The following MEGF8 variants were observed in gnomAD, a reference collection of about 807,000 sequenced individuals.
The protein encoded by MEGF8 is multiple EGF like domains 8.
In MEGF8, 156 loss-of-function variants were observed where a neutral mutation model predicts 302.9. The ratio of observed to expected loss-of-function variants is 0.52; its 90% CI spans 0.45 to 0.59. The LOEUF (loss-of-function observed/expected upper bound fraction) is 0.59. Ranked by LOEUF, MEGF8 falls within the 20% of genes least tolerant of loss-of-function variation. MEGF8 has a pLI of 0.00. For synonymous variants in MEGF8, 1,621 were observed against 1,660.5 expected (o/e 0.98, Z 0.58); for missense variants, 3,345 against 3,964.5 (o/e 0.84, Z 4.20).
chr19:42,350,516 G>A, intron 15 of MEGF8, 132 bp downstream of exon 15: 1 of 784,424 alleles, frequency 1.3e-6, no homozygotes, highest in Non-Finnish European at 2.0e-6. Flanking sequence ...GCAGAGCCTG[G>A]TGGGGAGGGT....
In MEGF8 at chr19:42,351,324, C is replaced by A; in HGVS notation, c.2845C>A (p.Leu949Ile). ...ALKSPEECPP[L>I]CSQRLTCEDC... is the part of the protein sequence containing the mutation. ...GAAGAGTCCAGAGGAGTGTCCCCCG[C>A]TCTGCAGCCAGTGAGTCAGGCTGGG... Residue 949 changes from leucine (L) to isoleucine (I), a missense_variant, in exon 16 of 42, where the codon CTC becomes ATC. Leu to Ile is a conservative substitution (Grantham distance 5, BLOSUM62 2). Transcript: ENST00000251268. The surrounding 1 kb of genome is among the most constrained non-coding windows in gnomAD (Gnocchi z 5.6). 1 of 1,568,138 alleles carries A rather than the reference C, an allele frequency of 6.4e-7. No homozygotes were observed. The highest frequency in any genetic ancestry group is 2.4e-5 in the East Asian group (1 of 42,530).
intron 1 of MEGF8, among the ~76,000 whole-genome samples, chr19:42,328,502 A>T (rs972828785): frequency 3.3e-5 from 5 of 151,662 alleles, no homozygotes; most frequent in African/African-American, 1.2e-4. Flanking sequence ...CAGTGATAGC[A>T]TGTCTACCTG....
rs746125032 is a variant in MEGF8 at position 42,336,334 on chromosome 19, C to T, written c.1232C>T (p.Pro411Leu). 6.3e-7 allele frequency: 1 copy of T among 1,596,304 alleles called. No individual in the cohort carries two copies. The highest frequency in any genetic ancestry group is 1.7e-5 in the Admixed American group (1 of 59,550). ...CTGCTGGTCCATGGTGGACACCGGC[C>T]CTCCACTGCCCGGTAAGTGACCTGT... ...RALLVHGGHR[P>L]STARFSVRVN... is the part of the protein sequence containing the mutation. The change falls in exon 6 of 42, where the codon CCC becomes CTC. Residue 411 changes from proline (P) to leucine (L), a missense_variant. Transcript: ENST00000251268. The surrounding 1 kb of genome is among the most constrained non-coding windows in gnomAD (Gnocchi z 4.8).
Position 42,355,947 on chromosome 19 carries a change from G to T in MEGF8, c.4334G>T (p.Arg1445Leu), listed in dbSNP as rs138904325. The change falls in exon 24 of 42, where the codon CGC becomes CTC. Residue 1445 changes from arginine to leucine, a missense_variant. Transcript: ENST00000251268. ...CAGGGCTGGGCTGGCCCACACTGCC[G>T]CATGGCTCTGTGTCCTGAGAACTGC... is the stretch of plus-strand genomic sequence containing the variant. ...CPQGWAGPHC[R>L]MALCPENCNA... 1.2e-6 allele frequency: 2 copies of T among 1,610,418 alleles called. No individual in the cohort carries two copies. Among genetic ancestry groups the T allele is most frequent in the African/African-American group, 1.3e-5 (1 of 74,892 alleles).
intron 12 of MEGF8, among the ~76,000 whole-genome samples, chr19:42,346,316 C>T (rs1009766555): frequency 3.3e-5 from 5 of 149,352 alleles, no homozygotes; most frequent in Admixed American, 6.6e-5. Flanking sequence ...CCGAGGTGGG[C>T]GGATCTCTTG....
chr19:42,353,935 G>A lies in MEGF8; in HGVS notation c.3922G>A (p.Ala1308Thr), dbSNP rs776085762. 2 of 1,587,052 alleles carry A rather than the reference G, an allele frequency of 1.3e-6. No individual in the cohort carries two copies. The highest frequency in any genetic ancestry group is 1.1e-5 in the South Asian group (1 of 87,276). Residue 1308 changes from alanine (A) to threonine (T), a missense_variant, in exon 22 of 42, where the codon GCC (alanine) becomes ACC (threonine). By Grantham distance (58) the Ala-to-Thr change is moderately conservative. Coordinates refer to ENST00000251268, the MANE Select transcript of MEGF8 (RefSeq NM_001271938.2). This position sits in a 1 kb window ranked among gnomAD's most constrained non-coding sequence, Gnocchi z 6.1. Reference sequence around the variant, plus strand: ...GTCCTACTGTGTGTGGGTTGTCTCGGCCACTGAGGAGCTACAGCCCTGTGC... The same window carrying A: ...GTCCTACTGTGTGTGGGTTGTCTCGACCACTGAGGAGCTACAGCCCTGTGC... ...GLSYCVWVVS[A>T]TEELQPCAPG...
chr19:42,375,937 G>A lies in MEGF8; in HGVS notation c.7700G>A (p.Arg2567Gln), dbSNP rs565653220. Reference sequence around the variant, plus strand: ...GGCGCCCCAGCAGAGCCACGGGTACGGGAGGTATGGCCGCGGGGCCTGATT... The same window carrying A: ...GGCGCCCCAGCAGAGCCACGGGTACAGGAGGTATGGCCGCGGGGCCTGATT... ...GPGAPAEPRV[R>Q]EVWPRGLITY... is the part of the protein sequence containing the mutation. The change falls in exon 42 of 42, where the codon CGG (arginine) becomes CAG (glutamine). Residue 2567 changes from arginine (R) to glutamine (Q), a missense_variant. Transcript: ENST00000251268. The surrounding 1 kb of genome is among the most constrained non-coding windows in gnomAD (Gnocchi z 7.1). 80 of 1,604,082 alleles carry A rather than the reference G, an allele frequency of 5.0e-5. No individual in the cohort carries two copies. The South Asian group carries it at 5.0e-4, about 10-fold the overall frequency.
At position 42,352,373 on chromosome 19, in the gene MEGF8, G is replaced by A. The variant is rs770856754; in HGVS notation, c.3267G>A (p.Ala1089=). ...GCCTGGCCCGGTGCCACCCGCGGGC[G>A]ACCTGCCTGAACACGCCCCTCAGCT... ...RLGLARCHPR[A]TCLNTPLSYE... The change falls in exon 19 of 42, where the codon GCG becomes GCA. Residue 1089 remains alanine, a synonymous_variant. Transcript: ENST00000251268. This position sits in a 1 kb window ranked among gnomAD's most constrained non-coding sequence, Gnocchi z 4.4. 22 of 1,589,604 alleles carry A rather than the reference G, an allele frequency of 1.4e-5. No individual in the cohort carries two copies. Among genetic ancestry groups the A allele is most frequent in the South Asian group, 2.3e-5 (2 of 87,458 alleles).
chr19:42,334,458 C>T (rs1007308065), intron 3 of MEGF8, among the ~76,000 whole-genome samples: 1 of 152,092 alleles, frequency 6.6e-6, no homozygotes, highest in Non-Finnish European at 1.5e-5. Flanking sequence ...ACCCCACTCT[C>T]ATCTGTGAAC....
At position 42,337,163 on chromosome 19, in the gene MEGF8, A is replaced by G. The variant is rs757273121; in HGVS notation, c.1470A>G (p.Gln490=). 10 of 1,613,968 alleles carry G rather than the reference A, an allele frequency of 6.2e-6. No individual in the cohort carries two copies. The highest frequency in any genetic ancestry group is 1.7e-5 in the Admixed American group (1 of 60,018). Reference sequence around the variant, plus strand: ...TCTTCTACCACCTTGGCTGCCATCAATGGGTGTCAGGAGCTGAGCTTGCCC... The same window carrying G: ...TCTTCTACCACCTTGGCTGCCATCAGTGGGTGTCAGGAGCTGAGCTTGCCC... ...GIFFYHLGCH[Q]WVSGAELAPP... is the part of the protein sequence containing the mutation. Residue 490 remains glutamine, a synonymous_variant, in exon 8 of 42, where the codon CAA becomes CAG. Coordinates refer to ENST00000251268, the MANE Select transcript of MEGF8 (RefSeq NM_001271938.2).
chr19:42,344,437 G>T lies in MEGF8; in HGVS notation c.1789-4G>T, dbSNP rs1246470840. On this transcript the variant is annotated splice_region_variant and splice_polypyrimidine_tract_variant and intron_variant, in intron 10 of 41. Coordinates refer to ENST00000251268, the MANE Select transcript of MEGF8 (RefSeq NM_001271938.2). This position sits in a 1 kb window ranked among gnomAD's most constrained non-coding sequence, Gnocchi z 4.5. Reference sequence around the variant, plus strand: ...GTGAGCCCTTTCCCCTCTCCTCCTCGCAGTGTCCAGCCGCCAGCTGCCTGG... The same window carrying T: ...GTGAGCCCTTTCCCCTCTCCTCCTCTCAGTGTCCAGCCGCCAGCTGCCTGG... 1.3e-6 allele frequency: 2 copies of T among 1,582,366 alleles called. No homozygotes were observed. Among genetic ancestry groups the T allele is most frequent in the Non-Finnish European group, 1.7e-6 (2 of 1,171,132 alleles).
chr19:42,367,452 CTAATTTTTTCTATTTTTA>C (rs1419782843), intron 35 of MEGF8, among the ~76,000 whole-genome samples: 1 of 152,136 alleles, frequency 6.6e-6, no homozygotes, highest in African/African-American at 2.4e-5. Flanking sequence ...CCACGCCTGG[CTAATTTTTTCTATTTTTA>C]GTAGAGACAG....
chr19:42,359,265 A>T lies in MEGF8; in HGVS notation c.5488+23A>T, dbSNP rs1600061259. 2.6e-6 allele frequency: 4 copies of T among 1,527,026 alleles called. No individual in the cohort carries two copies. In the Admixed American group the frequency reaches 8.3e-5, roughly 32 times the overall value. The allele number at this position is 1,527,026 out of a possible 1,614,324, so 94.6% of individuals were successfully genotyped here. Reference sequence around the variant, plus strand: ...CCCGTAAGTCCCCATTGTGGCTCCCAGGAGGCTGAGGGACATCCAGGAGGA... The same window carrying T: ...CCCGTAAGTCCCCATTGTGGCTCCCTGGAGGCTGAGGGACATCCAGGAGGA... On this transcript the variant is annotated intron_variant, in intron 31 of 41. Coordinates refer to ENST00000251268, the MANE Select transcript of MEGF8 (RefSeq NM_001271938.2).
rs1244636363 is a variant in MEGF8, at chr19:42,356,112, C to T, written c.4422C>T (p.Gly1474=). 1.3e-6 allele frequency: 2 copies of T among 1,586,508 alleles called. No homozygotes were observed. The highest frequency in any genetic ancestry group is 1.7e-6 in the Non-Finnish European group (2 of 1,164,772). The change falls in exon 25 of 42, where the codon GGC becomes GGT. Residue 1474 remains glycine, a synonymous_variant. Transcript: ENST00000251268. This position sits in a 1 kb window ranked among gnomAD's most constrained non-coding sequence, Gnocchi z 5.2. ...TGGGTGTGTGCATCTGTGCCGAGGGCTTCGGGGGCCCCGACTGCGCCACCA... is the reference window on the plus strand; with the variant it reads ...TGGGTGTGTGCATCTGTGCCGAGGGTTTCGGGGGCCCCGACTGCGCCACCA... ...QSLGVCICAE[G]FGGPDCATKL... is the part of the protein sequence containing the mutation.
chr19:42,352,374 A>G lies in MEGF8; in HGVS notation c.3268A>G (p.Thr1090Ala). The change falls in exon 19 of 42, where the codon ACC becomes GCC. Residue 1090 changes from threonine (T) to alanine (A), a missense_variant. Coordinates refer to ENST00000251268, the MANE Select transcript of MEGF8 (RefSeq NM_001271938.2). This position sits in a 1 kb window ranked among gnomAD's most constrained non-coding sequence, Gnocchi z 4.4. ...LGLARCHPRA[T>A]CLNTPLSYEC... ...CCTGGCCCGGTGCCACCCGCGGGCG[A>G]CCTGCCTGAACACGCCCCTCAGCTA... The G allele has an allele frequency of 9.4e-6, 15 of 1,589,662 alleles. No homozygotes were observed. The highest frequency in any genetic ancestry group is 1.3e-5 in the Non-Finnish European group (15 of 1,168,996).
At chr19:42,366,658 G>T (rs1275543866) in intron 35 of MEGF8, among the ~76,000 whole-genome samples, 1 of 152,162 alleles carries the variant, frequency 6.6e-6, no homozygotes, top group Non-Finnish European at 1.5e-5. Context: ...TAGGCAGTGG[G>T]GAATGTCAGC....
rs1392649775 is a variant in MEGF8 at position 42,368,725 on chromosome 19, A to C, written c.6481+63A>C. The stretch of plus-strand genomic sequence containing the variant: ...CCTTGGTTGGGGTCTGATACAGTGA[A>C]CATAGGGATACTGGGCCAGACCCAG... On this transcript the variant is annotated intron_variant, in intron 36 of 41. Coordinates refer to ENST00000251268, the MANE Select transcript of MEGF8 (RefSeq NM_001271938.2). This position sits in a 1 kb window ranked among gnomAD's most constrained non-coding sequence, Gnocchi z 4.9. 4 of 1,543,434 alleles carry C rather than the reference A, an allele frequency of 2.6e-6. No individual in the cohort carries two copies. The East Asian group carries it at 9.0e-5, about 35-fold the overall frequency.
Position 42,353,091 on chromosome 19 carries a change from C to T in MEGF8, c.3514C>T (p.Arg1172Cys), listed in dbSNP as rs376582167. ...TGGCTGCAGCTTCCACAGCCACTGCCGCAAGCGGGGCCCTGGCTTCTGCGA... is the reference window on the plus strand; with the variant it reads ...TGGCTGCAGCTTCCACAGCCACTGCTGCAAGCGGGGCCCTGGCTTCTGCGA... The part of the protein sequence containing the change: ...DCGCSFHSHC[R>C]KRGPGFCDEC... Residue 1172 changes from arginine (R) to cysteine (C), a missense_variant, in exon 20 of 42, where the codon CGC becomes TGC. Transcript: ENST00000251268. This position sits in a 1 kb window ranked among gnomAD's most constrained non-coding sequence, Gnocchi z 6.1. 5 of 1,548,936 alleles carry T rather than the reference C, an allele frequency of 3.2e-6. No individual in the cohort carries two copies. Among genetic ancestry groups the T allele is most frequent in the African/African-American group, 1.4e-5 (1 of 72,998 alleles).
chr19:42,369,455 G>A lies in MEGF8; in HGVS notation c.6642-76G>A. 1.4e-6 allele frequency: 2 copies of A among 1,442,276 alleles called. No homozygotes were observed. The highest frequency in any genetic ancestry group is 2.5e-5 in the South Asian group (2 of 79,432). 89.3% of individuals were successfully genotyped at this position (1,442,276 alleles called of 1,614,324 possible). A position where few individuals can be genotyped will look rare whatever the true frequency, so the allele number is the denominator to read the frequency against. The stretch of plus-strand genomic sequence containing the variant: ...AGCAACCAGTTGAGAAGAGGGTGGG[G>A]TAGTTGGTTGGGTGCTAGGCCATGA... On this transcript the variant is annotated intron_variant, in intron 37 of 41. Transcript: ENST00000251268. The surrounding 1 kb of genome is among the most constrained non-coding windows in gnomAD (Gnocchi z 5.7).
Sources: allele counts gnomAD v4.1 joint callset (sites outside exome capture counted in the v4.1 genomes callset), GRCh38; gene constraint gnomAD v4.1.1; non-coding constraint Gnocchi (gnomAD v3.1); transcripts MANE v1.5; gene names NCBI Gene and HGNC (gene_info 2026-07-23, HGNC 2026-07-21).